The following FANCL variants were observed in gnomAD, a reference collection of about 807,000 sequenced individuals.
The protein encoded by FANCL is FA complementation group L.
Under a neutral mutation model 59.4 loss-of-function variants are expected in FANCL, and 69 were observed. That is an observed-to-expected ratio of 1.16 (90% CI 0.96 to 1.42). The LOEUF (loss-of-function observed/expected upper bound fraction) is 1.42. FANCL is among the 40% of genes most tolerant of loss of function. FANCL has a pLI of 0.00. For missense variants in FANCL, 519 were observed against 447.2 expected (o/e 1.16, Z -1.45); for synonymous variants, 180 against 147.1 (o/e 1.22, Z -1.62).
intron 5 of FANCL, among the ~76,000 whole-genome samples, chr2:58,213,998 T>C (rs1162049341): frequency 6.6e-6 from 1 of 152,294 alleles, no homozygotes; most frequent in Non-Finnish European, 1.5e-5. Flanking sequence ...AATGCCTGAG[T>C]GGTGTTATGT....
chr2:58,231,909 G>C (rs1693621037), intron 2 of FANCL, 145 bp downstream of exon 2: 1 of 709,848 alleles, frequency 1.4e-6, no homozygotes, highest in Non-Finnish European at 2.5e-6. Flanking sequence ...CATTGGTTTG[G>C]AAAAATCAGA....
At chr2:58,163,905 A>C (rs561034612) in intron 8 of FANCL, among the ~76,000 whole-genome samples, 1 of 152,156 alleles carries the variant, frequency 6.6e-6, no homozygotes, top group South Asian at 2.1e-4. Flanking sequence ...AAAAGTTTAC[A>C]TTTCATAGAA....
intron 6 of FANCL, among the ~76,000 whole-genome samples, chr2:58,202,516 AAC>A (rs1486136998): frequency 1.3e-5 from 2 of 151,764 alleles, no homozygotes; most frequent in Non-Finnish European, 3.0e-5. Flanking sequence ...GTTTTTCCAA[AAC>A]AGTTTTTTTT....
intron 5 of FANCL, among the ~76,000 whole-genome samples, chr2:58,206,478 G>A (rs1054686237): frequency 6.7e-6 from 1 of 149,112 alleles, no homozygotes; most frequent in African/African-American, 2.4e-5. Flanking sequence ...GGAGAGAGAA[G>A]GCATGCACGT....
intron 7 of FANCL, among the ~76,000 whole-genome samples, chr2:58,172,851 G>T (rs951497469): frequency 1.3e-5 from 2 of 152,184 alleles, no homozygotes; most frequent in Non-Finnish European, 2.9e-5. Flanking sequence ...GCTACAGGAG[G>T]AAATTCAAAC....
rs527792387 is a variant in FANCL, at chr2:58,237,310, T to A, written c.96+3908A>T. On this transcript the variant is annotated intron_variant, in intron 1 of 13. Transcript: ENST00000233741. Reference sequence around the variant, plus strand: ...AAAATGAAACTAAATTATAAATCAATAACAAAAAGATATCTAGAAAATCCT... The same window carrying A: ...AAAATGAAACTAAATTATAAATCAAAAACAAAAAGATATCTAGAAAATCCT... Among the ~76,000 whole-genome samples the A allele has an allele frequency of 4.1e-4, 62 of 152,054 alleles. 1 individual carries two copies. The highest frequency in any genetic ancestry group is 1.3e-3 in the African/African-American group (56 of 41,486).
rs942136428 is a variant in FANCL, at chr2:58,190,519, G to A, written c.540+8075C>T. On this transcript the variant is annotated intron_variant, in intron 7 of 13. Coordinates refer to ENST00000233741, the MANE Select transcript of FANCL (RefSeq NM_018062.4). ...AATTAGTGGACCAGAAAAAAAGAAA[G>A]AAAAAAGAAAAAAGACTAGCTTTTT... Among the ~76,000 whole-genome samples, 49 of 138,846 alleles carry A rather than the reference G, an allele frequency of 3.5e-4. No individual in the cohort carries two copies. The East Asian group carries it at 9.1e-3, about 26-fold the overall frequency. The allele number at this position is 138,846 out of a possible 152,430, so 91.1% of individuals were successfully genotyped here. A position where few individuals can be genotyped will look rare whatever the true frequency, so the allele number is the denominator to read the frequency against.
At chr2:58,202,993 T>C (rs747717121) in intron 6 of FANCL, among the ~76,000 whole-genome samples, 4 of 149,638 alleles carry the variant, frequency 2.7e-5, no homozygotes, top group South Asian at 2.1e-4. Flanking sequence ...TGGCAACATG[T>C]GACCCTTTGG....
chr2:58,211,320 C>A (rs994167918), intron 5 of FANCL, among the ~76,000 whole-genome samples: 1 of 152,232 alleles, frequency 6.6e-6, no homozygotes, highest in Non-Finnish European at 1.5e-5. Context: ...AAGCTCTACA[C>A]TGGCCCTTTT....
chr2:58,219,171 A>AAT (rs869094167), intron 5 of FANCL, among the ~76,000 whole-genome samples: 957 of 19,192 alleles, frequency 0.05, 86 homozygotes, highest in Non-Finnish European at 0.066. Flanking sequence ...AAAAAAAAAA[A>AAT]ATATATATAT....
At position 58,159,513 on chromosome 2, in the gene FANCL, T is replaced by C. The variant is rs753295594; in HGVS notation, c.*252A>G. On this transcript the variant is annotated 3_prime_UTR_variant, in exon 14 of 14. Transcript: ENST00000233741. ...TATTCAAGAAGTCAAGATCTCCATC[T>C]TGGTATAAATACACTTCCACAGTCA... 1 of 1,613,764 alleles carries C rather than the reference T, an allele frequency of 6.2e-7. No homozygotes were observed. The highest frequency in any genetic ancestry group is 8.5e-7 in the Non-Finnish European group (1 of 1,179,786).
Position 58,182,534 on chromosome 2 carries a change from T to C in FANCL, c.540+16060A>G, listed in dbSNP as rs141582536. The stretch of plus-strand genomic sequence containing the variant: ...ATTCCTGCGATAAATTTTGGAATTT[T>C]TGAGGGGTATACAATAAATTTGTAA... On this transcript the variant is annotated intron_variant, in intron 7 of 13. Transcript: ENST00000233741. Among the ~76,000 whole-genome samples, 808 of 151,942 alleles carry C rather than the reference T, an allele frequency of 5.3e-3. 3 individuals carry two copies. The highest frequency in any genetic ancestry group is 0.019 in the African/African-American group (768 of 41,504).
At chr2:58,218,702 T>C (rs1692095660) in intron 5 of FANCL, among the ~76,000 whole-genome samples, 1 of 151,878 alleles carries the variant, frequency 6.6e-6, no homozygotes, top group Admixed American at 6.5e-5. Flanking sequence ...ATTCTGATAG[T>C]GCTCTGCACG....
At chr2:58,221,579 AT>A (rs1277416219) in intron 5 of FANCL, among the ~76,000 whole-genome samples, 1 of 152,184 alleles carries the variant, frequency 6.6e-6, no homozygotes, top group Non-Finnish European at 1.5e-5. Flanking sequence ...TTAACCAAAA[AT>A]AACAATTATT....
intron 5 of FANCL, among the ~76,000 whole-genome samples, chr2:58,218,614 A>G (rs1692082129): frequency 6.6e-6 from 1 of 151,776 alleles, no homozygotes; most frequent in African/African-American, 2.4e-5. Context: ...GAAGCCTATA[A>G]AGGCAAAAAA....
intron 7 of FANCL, among the ~76,000 whole-genome samples, chr2:58,181,587 G>T (rs974176940): frequency 6.6e-6 from 1 of 151,974 alleles, no homozygotes; most frequent in East Asian, 1.9e-4. Context: ...TCAGATACCT[G>T]CAAGTTACTT....
chr2:58,207,544 T>C (rs1690715520), intron 5 of FANCL, among the ~76,000 whole-genome samples: 1 of 152,200 alleles, frequency 6.6e-6, no homozygotes, highest in Non-Finnish European at 1.5e-5. Flanking sequence ...ACCTCTGAAT[T>C]GTTAAATGAG....
intron 3 of FANCL, among the ~76,000 whole-genome samples, chr2:58,227,157 A>G (rs555423339): frequency 7.9e-5 from 12 of 152,314 alleles, no homozygotes; most frequent in African/African-American, 2.9e-4. Flanking sequence ...AGGGGAGCAT[A>G]CAGACGGGCA....
At chr2:58,191,886 T>C (rs1688956634) in intron 7 of FANCL, among the ~76,000 whole-genome samples, 1 of 151,930 alleles carries the variant, frequency 6.6e-6, no homozygotes, top group Non-Finnish European at 1.5e-5. Context: ...CCCCAATTTG[T>C]TCTCATATGT....
Sources: allele counts gnomAD v4.1 joint callset (sites outside exome capture counted in the v4.1 genomes callset), GRCh38; gene constraint gnomAD v4.1.1; transcripts MANE v1.5; gene names NCBI Gene and HGNC (gene_info 2026-07-23, HGNC 2026-07-21).